The following ATP2A2 variants were observed in gnomAD, a reference collection of about 807,000 sequenced individuals.
ATP2A2 encodes the protein sarcoplasmic/endoplasmic reticulum calcium ATPase 2.
Under a neutral mutation model 109.3 loss-of-function variants are expected in ATP2A2, and 14 were observed. The observed-to-expected ratio is 0.13, with a 90% CI of 0.08 to 0.20. ATP2A2 has a LOEUF of 0.20. Among genes scored for constraint, ATP2A2 ranks in the 10% least tolerant of loss-of-function variants. ATP2A2 has a pLI of 1.00. For missense variants in ATP2A2, 657 were observed against 1,321.6 expected (o/e 0.50, Z 7.80); for synonymous variants, 506 against 490.9 (o/e 1.03, Z -0.41).
chr12:110,317,682 TA>T (rs1876816445), intron 5 of ATP2A2, among the ~76,000 whole-genome samples: 1 of 152,110 alleles, frequency 6.6e-6, no homozygotes, highest in African/African-American at 2.4e-5. Flanking sequence ...CCGGCTTGAA[TA>T]ATGGTAGTTT....
At chr12:110,320,216 G>A (rs1877094803) in intron 5 of ATP2A2, among the ~76,000 whole-genome samples, 1 of 152,164 alleles carries the variant, frequency 6.6e-6, no homozygotes. Context: ...TTAAATATTA[G>A]ATTTGTTGAC....
rs1880250823 is a variant in ATP2A2, at chr12:110,349,989, G to A, written c.*3519G>A. The A allele has an allele frequency of 6.8e-6, 9 of 1,319,020 alleles. No homozygotes were observed. Among genetic ancestry groups the A allele is most frequent in the Non-Finnish European group, 8.7e-6 (9 of 1,029,110 alleles). 81.7% of individuals were successfully genotyped at this position (1,319,020 alleles called of 1,614,324 possible). A position where few individuals can be genotyped will look rare whatever the true frequency, so the allele number is the denominator to read the frequency against. ...TAACCAAGACCTTGTCCTCTTGCCT[G>A]TCTCGCTGCTTTCACAGCTGCAACG... is the stretch of plus-strand genomic sequence containing the variant. On this transcript the variant is annotated 3_prime_UTR_variant, in exon 20 of 20. Coordinates refer to ENST00000539276, the MANE Select transcript of ATP2A2 (RefSeq NM_170665.4).
chr12:110,308,619 A>T (rs1402968811), intron 5 of ATP2A2, among the ~76,000 whole-genome samples: 1 of 152,198 alleles, frequency 6.6e-6, no homozygotes, highest in Non-Finnish European at 1.5e-5. Context: ...TTTTATTAAG[A>T]CTATACACGT....
intron 4 of ATP2A2, among the ~76,000 whole-genome samples, chr12:110,292,609 A>G (rs983271457): frequency 6.6e-6 from 1 of 152,160 alleles, no homozygotes; most frequent in African/African-American, 2.4e-5. Context: ...CTTAATGCAT[A>G]TAAACTTTGC....
intron 5 of ATP2A2, among the ~76,000 whole-genome samples, chr12:110,312,476 T>A (rs1299723093): frequency 6.6e-6 from 1 of 151,974 alleles, no homozygotes; most frequent in Non-Finnish European, 1.5e-5. Context: ...ATATTGAAAA[T>A]CTTGTGTGCA....
intron 17 of ATP2A2, 101 bp downstream of exon 17, chr12:110,345,072 C>T (rs914640537): frequency 1.3e-6 from 2 of 1,492,564 alleles, no homozygotes; most frequent in Non-Finnish European, 1.9e-6. Context: ...AAGACTCAGA[C>T]AATAAACAGT....
chr12:110,328,501 G>A lies in ATP2A2; in HGVS notation c.1095+484G>A, dbSNP rs532047403. ...GGAGAATTGCTTGAACCTGGGCAGC[G>A]GAGGTTGCAGTGAGCCAAGATCACA... On this transcript the variant is annotated intron_variant, in intron 8 of 19. Coordinates refer to ENST00000539276, the MANE Select transcript of ATP2A2 (RefSeq NM_170665.4). 5.3e-5 allele frequency among the ~76,000 whole-genome samples: 8 copies of A among 152,240 alleles called. No individual in the cohort carries two copies. The East Asian group carries it at 9.6e-4, about 18-fold the overall frequency.
intron 10 of ATP2A2, 44 bp from the exon 11 acceptor site, chr12:110,333,968 T>C: frequency 6.2e-7 from 1 of 1,613,352 alleles, no homozygotes; most frequent in East Asian, 2.2e-5. Flanking sequence ...TTTATCTGTG[T>C]ACTTCTCCCT....
intron 3 of ATP2A2, among the ~76,000 whole-genome samples, chr12:110,288,593 T>C (rs1209004366): frequency 6.6e-6 from 1 of 152,068 alleles, no homozygotes; most frequent in East Asian, 1.9e-4. Context: ...TTAGTAGAGA[T>C]GGGTTTTCGC....
At position 110,348,854 on chromosome 12, in the gene ATP2A2, T is replaced by C. The variant is rs1880133486; in HGVS notation, c.*2384T>C. 1 of 985,326 alleles carries C rather than the reference T, an allele frequency of 1.0e-6. No homozygotes were observed. The allele number at this position is 985,326 out of a possible 1,614,324, so 61.0% of individuals were successfully genotyped here. A position where few individuals can be genotyped will look rare whatever the true frequency, so the allele number is the denominator to read the frequency against. On this transcript the variant is annotated 3_prime_UTR_variant, in exon 20 of 20. Coordinates refer to ENST00000539276, the MANE Select transcript of ATP2A2 (RefSeq NM_170665.4). ...ATCATGAGGTGTAACAAGAAATGGG[T>C]TGAATGGGCCAAATGCAAGGAGTGC... is the stretch of plus-strand genomic sequence containing the variant.
At position 110,345,341 on chromosome 12, in the gene ATP2A2, C is replaced by T. The variant is rs1592867621; in HGVS notation, c.2700C>T (p.Leu900=). 1.9e-6 allele frequency: 3 copies of T among 1,614,232 alleles called. No individual in the cohort carries two copies. Among genetic ancestry groups the T allele is most frequent in the Non-Finnish European group, 1.7e-6 (2 of 1,180,044 alleles). The part of the protein sequence containing the change: ...FESPYPMTMA[L]SVLVTIEMCN... The stretch of plus-strand genomic sequence containing the variant: ...CCCCATACCCGATGACAATGGCGCT[C>T]TCTGTTCTAGTAACTATAGAAATGT... Residue 900 remains leucine (L), a synonymous_variant, in exon 18 of 20, where the codon CTC becomes CTT. Coordinates refer to ENST00000539276, the MANE Select transcript of ATP2A2 (RefSeq NM_170665.4).
Position 110,342,948 on chromosome 12 carries a change from A to G in ATP2A2, c.2319-284A>G, listed in dbSNP as rs76338128. Among the ~76,000 whole-genome samples the G allele has an allele frequency of 1.4e-3, 212 of 152,182 alleles. 1 individual carries two copies. The highest frequency in any genetic ancestry group is 5.0e-3 in the African/African-American group (206 of 41,528). Reference sequence around the variant, plus strand: ...GAAATGAGGTTTCACCATGTTGCCCAGGCTGGTCTCTTAACTGCTGAGCTC... The same window carrying G: ...GAAATGAGGTTTCACCATGTTGCCCGGGCTGGTCTCTTAACTGCTGAGCTC... On this transcript the variant is annotated intron_variant, in intron 15 of 19. Coordinates refer to ENST00000539276, the MANE Select transcript of ATP2A2 (RefSeq NM_170665.4). The surrounding 1 kb of genome is among the most constrained non-coding windows in gnomAD (Gnocchi z 4.6).
chr12:110,341,709 C>G (rs1226991164), intron 14 of ATP2A2, among the ~76,000 whole-genome samples: 1 of 152,050 alleles, frequency 6.6e-6, no homozygotes, highest in African/African-American at 2.4e-5. Flanking sequence ...CCCGTCTGTA[C>G]TAAAAATACA....
At chr12:110,309,140 ATTTTTTTTTTTTTTTTTTTTT>A (rs10665212) in intron 5 of ATP2A2, among the ~76,000 whole-genome samples, 3 of 48,888 alleles carry the variant, frequency 6.1e-5, no homozygotes, top group Non-Finnish European at 1.1e-4. Context: ...AAGGAAACTA[ATTTTTTTTTTTTTTTTTTTTT>A]TTTTTTTTTT....
intron 3 of ATP2A2, among the ~76,000 whole-genome samples, chr12:110,283,437 C>G (rs1292211426): frequency 3.3e-5 from 5 of 152,206 alleles, no homozygotes; most frequent in Non-Finnish European, 7.3e-5. Context: ...TTTTCTTGTT[C>G]TGTGTGTGCT....
At chr12:110,305,882 G>GT (rs71083114) in intron 5 of ATP2A2, among the ~76,000 whole-genome samples, 4,517 of 137,778 alleles carry the variant, frequency 0.033, 93 homozygotes, top group Middle Eastern at 0.074. Context: ...TTTTTTTTTT[G>GT]TTTTTTTTTT....
intron 4 of ATP2A2, among the ~76,000 whole-genome samples, chr12:110,294,259 G>T (rs1026741453): frequency 1.3e-5 from 2 of 152,016 alleles, no homozygotes; most frequent in African/African-American, 2.4e-5. Flanking sequence ...TAGCCAGGAT[G>T]GTCTCGATCT....
chr12:110,333,106 G>GC, intron 9 of ATP2A2, 75 bp from the exon 10 acceptor site: 1 of 1,244,638 alleles, frequency 8.0e-7, no homozygotes, highest in Non-Finnish European at 1.2e-6. Context: ...TTAAACAATT[G>GC]CGGGGGGGCA....
At chr12:110,341,920 T>G (rs2137860147) in intron 14 of ATP2A2, among the ~76,000 whole-genome samples, 1 of 152,306 alleles carries the variant, frequency 6.6e-6, no homozygotes, top group Admixed American at 6.5e-5. Context: ...TACTTGAAAT[T>G]TATCCATGTG....
Sources: allele counts gnomAD v4.1 joint callset (sites outside exome capture counted in the v4.1 genomes callset), GRCh38; gene constraint gnomAD v4.1.1; non-coding constraint Gnocchi (gnomAD v3.1); transcripts MANE v1.5; gene names NCBI Gene and HGNC (gene_info 2026-07-23, HGNC 2026-07-21).